HNF4G: variants seen among roughly 807,000 people sequenced by gnomAD.
The protein encoded by HNF4G is hepatocyte nuclear factor 4-gamma.
A neutral mutation model predicts 50.9 loss-of-function variants in HNF4G; 21 were observed. That is an observed-to-expected ratio of 0.41 (90% CI 0.29 to 0.59). HNF4G has a LOEUF of 0.59. HNF4G is among the 20% of genes least tolerant of loss of function. The probability of loss-of-function intolerance (pLI) is 0.26; values close to 1 mark genes in which losing one functional copy is unlikely to be tolerated. For missense variants in HNF4G, 527 were observed against 559.4 expected (o/e 0.94, Z 0.58); for synonymous variants, 198 against 185.6 (o/e 1.07, Z -0.54).
chr8:75,463,364 CCTAA>C (rs1485935825), intron 1 of HNF4G, among the ~76,000 whole-genome samples: 2 of 152,098 alleles, frequency 1.3e-5, no homozygotes, highest in Non-Finnish European at 2.9e-5. Context: ...AGAGGGAACT[CCTAA>C]CTGTTGGGTT....
chr8:75,440,471 T>C (rs2130544727), intron 1 of HNF4G, among the ~76,000 whole-genome samples: 1 of 152,340 alleles, frequency 6.6e-6, no homozygotes, highest in Non-Finnish European at 1.5e-5. Flanking sequence ...CTATGAATTG[T>C]TTATGTTTAA....
rs1326239595 is a variant in HNF4G, at chr8:75,565,166, T to C, written c.*1070T>C. The C allele has an allele frequency of 6.6e-6, 1 of 152,202 alleles. No individual in the cohort carries two copies. The highest frequency in any genetic ancestry group is 2.4e-5 in the African/African-American group (1 of 41,466). The allele number at this position is 152,202 out of a possible 1,614,324, so 9.4% of individuals were successfully genotyped here. Reference sequence around the variant, plus strand: ...GAAACACATTCAAGCCCAGGTCTAGTTGACTTTAATGAATCTTTGGTGTGG... The same window carrying C: ...GAAACACATTCAAGCCCAGGTCTAGCTGACTTTAATGAATCTTTGGTGTGG... On this transcript the variant is annotated 3_prime_UTR_variant, in exon 10 of 10. Transcript: ENST00000396423.
At chr8:75,503,350 G>C (rs1184579444) in intron 2 of HNF4G, among the ~76,000 whole-genome samples, 1 of 140,934 alleles carries the variant, frequency 7.1e-6, no homozygotes, top group South Asian at 2.4e-4. Context: ...AACATGTAAA[G>C]TAACACAGAG....
chr8:75,507,600 A>G (rs1197478011), intron 2 of HNF4G, among the ~76,000 whole-genome samples: 3 of 152,224 alleles, frequency 2.0e-5, no homozygotes, highest in African/African-American at 7.2e-5. Flanking sequence ...AAAGTTTACT[A>G]TATTTTTCAT....
At chr8:75,508,136 C>A (rs1336544757) in intron 2 of HNF4G, among the ~76,000 whole-genome samples, 2 of 151,844 alleles carry the variant, frequency 1.3e-5, no homozygotes, top group African/African-American at 4.8e-5. Context: ...AATATTTTAA[C>A]AAATAGACTA....
intron 5 of HNF4G, among the ~76,000 whole-genome samples, chr8:75,555,670 C>T (rs955538964): frequency 8.6e-5 from 13 of 150,908 alleles, no homozygotes; most frequent in African/African-American, 2.7e-4. Context: ...AGTAAGTGGC[C>T]GTGCTGGGAT....
intron 1 of HNF4G, among the ~76,000 whole-genome samples, chr8:75,540,801 C>T (rs1048789038): frequency 5.3e-5 from 8 of 150,882 alleles, no homozygotes; most frequent in Non-Finnish European, 1.5e-5. Context: ...TATGTTATAA[C>T]TGTTAGAACT....
chr8:75,532,553 A>G (rs186038296), intron 2 of HNF4G, among the ~76,000 whole-genome samples: 1 of 152,038 alleles, frequency 6.6e-6, no homozygotes, highest in Non-Finnish European at 1.5e-5. Context: ...TTACCTCTTA[A>G]ATTTACACCT....
intron 1 of HNF4G, among the ~76,000 whole-genome samples, chr8:75,542,031 T>C (rs906315541): frequency 1.3e-5 from 2 of 152,118 alleles, no homozygotes; most frequent in African/African-American, 4.8e-5. Context: ...CCAGGTGTGG[T>C]GGCTCACACC....
At position 75,564,088 on chromosome 8, in the gene HNF4G, C is replaced by T. The variant is rs1267555027; in HGVS notation, c.1360C>T (p.Gln454Ter). Reference protein sequence around the residue: ...ISHQHLSKQKQL With the variant: ...ISHQHLSKQK ...ACACCAGCATCTCTCCAAACAAAAG[C>T]AATTGTGAAAATGTGTTTACTTCAG... The change falls in exon 10 of 10, where the codon CAA (glutamine) becomes TAA (stop). Residue 454 changes from glutamine (Q) to a stop codon, truncating the protein, a stop_gained. Transcript: ENST00000396423. LOFTEE classifies it high-confidence loss of function. 8.1e-6 allele frequency: 13 copies of T among 1,613,034 alleles called. No individual in the cohort carries two copies. The Admixed American group carries it at 2.2e-4, about 27-fold the overall frequency.
intron 1 of HNF4G, among the ~76,000 whole-genome samples, chr8:75,434,830 T>C (rs1263224581): frequency 6.6e-6 from 1 of 152,126 alleles, no homozygotes; most frequent in Non-Finnish European, 1.5e-5. Context: ...AGTAGTTGTA[T>C]CCACAAAAAT....
At chr8:75,421,244 T>G (rs1433719096) in intron 1 of HNF4G, among the ~76,000 whole-genome samples, 1 of 152,212 alleles carries the variant, frequency 6.6e-6, no homozygotes, top group East Asian at 1.9e-4. Context: ...GCAGCACATC[T>G]CACTTTCTCG....
intron 1 of HNF4G, among the ~76,000 whole-genome samples, chr8:75,418,078 T>A (rs1810684764): frequency 6.6e-6 from 1 of 152,174 alleles, no homozygotes; most frequent in African/African-American, 2.4e-5. Context: ...ATTTATCTTT[T>A]CACAGTTCTG....
intron 1 of HNF4G, among the ~76,000 whole-genome samples, chr8:75,460,223 A>T (rs2130603919): frequency 6.6e-6 from 1 of 152,292 alleles, no homozygotes; most frequent in East Asian, 1.9e-4. Context: ...CTATCCCTAT[A>T]TTGAAAAAGT....
At chr8:75,489,609 AATTATTTAGTGCTAAGACC>A (rs1812575608) in intron 1 of HNF4G, among the ~76,000 whole-genome samples, 1 of 152,178 alleles carries the variant, frequency 6.6e-6, no homozygotes, top group Non-Finnish European at 1.5e-5. Context: ...TAAACTACCT[AATTATTTAGTGCTAAGACC>A]ATGGTTGAGT....
In HNF4G at chr8:75,484,556, G is replaced by C. The variant is rs1306636557; in HGVS notation, c.-143-5533G>C. On this transcript the variant is annotated intron_variant, in intron 1 of 10. Transcript: ENST00000354370. ...CAGGAAAGCCTTTGCTGATCTGCAG[G>C]ACCACTTCAGCCACATTATGTTCCC... 2.6e-5 allele frequency among the ~76,000 whole-genome samples: 4 copies of C among 152,268 alleles called. No homozygotes were observed. The East Asian group carries it at 7.7e-4, about 29-fold the overall frequency.
rs959566462 is a variant in HNF4G, at chr8:75,558,404, T to C, written c.734-114T>C. On this transcript the variant is annotated intron_variant, in intron 6 of 9. Coordinates refer to ENST00000396423, the MANE Select transcript of HNF4G (RefSeq NM_004133.5). ...ACTGAGAGAGGAAGTACATCACTATTCCTTCAAGGGTAGACTATTTTAAAC... is the reference window on the plus strand; with the variant it reads ...ACTGAGAGAGGAAGTACATCACTATCCCTTCAAGGGTAGACTATTTTAAAC... 3.4e-6 allele frequency: 3 copies of C among 892,146 alleles called. No homozygotes were observed. The Admixed American group carries it at 8.7e-5, about 26-fold the overall frequency. The allele number at this position is 892,146 out of a possible 1,614,324, so 55.3% of individuals were successfully genotyped here. A position where few individuals can be genotyped will look rare whatever the true frequency, so the allele number is the denominator to read the frequency against.
intron 2 of HNF4G, among the ~76,000 whole-genome samples, chr8:75,506,977 A>T (rs1240402104): frequency 1.3e-5 from 2 of 152,206 alleles, no homozygotes; most frequent in Admixed American, 1.3e-4. Context: ...TTGCAATTTT[A>T]TTTGGGCCTA....
At chr8:75,412,602 T>G (rs1364751836) in intron 1 of HNF4G, among the ~76,000 whole-genome samples, 1 of 152,198 alleles carries the variant, frequency 6.6e-6, no homozygotes, top group Non-Finnish European at 1.5e-5. Context: ...TGATAACACC[T>G]GGATCTGACA....
Sources: gnomAD v4.1 joint callset for allele counts (sites outside exome capture counted in the v4.1 genomes callset) on GRCh38, gnomAD v4.1.1 for gene constraint, MANE v1.5 for transcripts, NCBI Gene and HGNC (gene_info 2026-07-23, HGNC 2026-07-21) for gene names.